The following TRMT44 variants were observed in gnomAD, a reference collection of about 807,000 sequenced individuals.
TRMT44 encodes tRNA methyltransferase 44 homolog.
Under a neutral mutation model 77.3 loss-of-function variants are expected in TRMT44, and 78 were observed. The observed-to-expected ratio is 1.01, with a 90% CI of 0.84 to 1.22. The LOEUF is 1.22. Ranked by LOEUF, TRMT44 falls within the 50% of genes most tolerant of loss-of-function variation. The pLI, the probability that TRMT44 is intolerant of heterozygous loss-of-function variation, is 0.00. For synonymous variants in TRMT44, 391 were observed against 383.3 expected (o/e 1.02, Z -0.23); for missense variants, 1,090 against 964.4 (o/e 1.13, Z -1.73).
rs540073637 is a variant in TRMT44, at chr4:8,441,095, C to T, written c.273C>T (p.Pro91=). ...CGGGTCCCAGGTCGCTATCAGGACC[C>T]GAGCAGGGCACGGCATGTTGCGAAC... ...GGPGPRSLSG[P]EQGTACCELE... The change falls in exon 1 of 11, where the codon CCC becomes CCT. Residue 91 remains proline (P), a synonymous_variant. Coordinates refer to ENST00000389737, the MANE Select transcript of TRMT44 (RefSeq NM_152544.3). The T allele has an allele frequency of 1.1e-5, 16 of 1,508,158 alleles. No homozygotes were observed. The highest frequency in any genetic ancestry group is 2.8e-5 in the African/African-American group (2 of 72,298). 93.4% of individuals were successfully genotyped at this position (1,508,158 alleles called of 1,614,324 possible). A position where few individuals can be genotyped will look rare whatever the true frequency, so the allele number is the denominator to read the frequency against.
chr4:8,450,804 T>TC (rs1462633042), intron 3 of TRMT44, among the ~76,000 whole-genome samples: 1 of 148,186 alleles, frequency 6.7e-6, no homozygotes, highest in Non-Finnish European at 1.5e-5. Flanking sequence ...TTTTTTTTTT[T>TC]TTTTTTTTTT....
At chr4:8,500,908 C>T in the TRMT44 span, among the ~76,000 whole-genome samples, 1 of 152,218 alleles carries the variant, frequency 6.6e-6, no homozygotes, top group African/African-American at 2.4e-5. Flanking sequence ...GGGATCTGCC[C>T]TCCTTGGCCT....
chr4:8,481,158 T>A (rs1727599436), downstream of TRMT44, among the ~76,000 whole-genome samples: 1 of 152,250 alleles, frequency 6.6e-6, no homozygotes, highest in Non-Finnish European at 1.5e-5. Flanking sequence ...ACATTTCCTT[T>A]CTATCAATCC....
intron 2 of TRMT44, among the ~76,000 whole-genome samples, chr4:8,492,647 TA>T (rs556522462): frequency 3.6e-3 from 550 of 152,270 alleles, no homozygotes; most frequent in Non-Finnish European, 4.9e-3. Context: ...CTACTACGAT[TA>T]AAAAGCTACA....
intron 6 of TRMT44, 146 bp downstream of exon 6, chr4:8,454,959 G>T: frequency 1.3e-6 from 1 of 777,174 alleles, no homozygotes; most frequent in Non-Finnish European, 2.1e-6. Flanking sequence ...TGAAATTAGA[G>T]AAGAGAAAAA....
Position 8,446,891 on chromosome 4 carries a change from G to GTTA in TRMT44, c.734+313_734+315dup, listed in dbSNP as rs1011151046. Among the ~76,000 whole-genome samples, 2 of 152,060 alleles carry GTTA rather than the reference G, an allele frequency of 1.3e-5. No homozygotes were observed. The highest frequency in any genetic ancestry group is 4.2e-4 in the South Asian group (2 of 4,814). The stretch of plus-strand genomic sequence containing the variant: ...AAACTCAAATTTCTTTATTGTTATT[G>GTTA]TTATTATTATTATTGAGACAGTCTT... On this transcript the variant is annotated intron_variant, in intron 2 of 10. Coordinates refer to ENST00000389737, the MANE Select transcript of TRMT44 (RefSeq NM_152544.3). This position sits in a 1 kb window ranked among gnomAD's most constrained non-coding sequence, Gnocchi z 4.3.
intron 9 of TRMT44, 162 bp from the exon 10 acceptor site, chr4:8,470,922 G>T (rs1726946320): frequency 1.8e-6 from 1 of 569,352 alleles, no homozygotes; most frequent in Non-Finnish European, 3.2e-6. Context: ...CTCACGGTTT[G>T]GTGCGGTGTG....
chr4:8,455,665 G>A (rs545457442), intron 6 of TRMT44, among the ~76,000 whole-genome samples: 1 of 152,324 alleles, frequency 6.6e-6, no homozygotes, highest in Admixed American at 6.5e-5. Context: ...GACCCTGGCT[G>A]CTTCTGCTCA....
the TRMT44 span, among the ~76,000 whole-genome samples, chr4:8,500,241 C>T: frequency 2.6e-5 from 4 of 152,058 alleles, no homozygotes; most frequent in African/African-American, 9.7e-5. Context: ...CCTATAATCC[C>T]TGCACTTCAG....
chr4:8,482,129 C>T (rs1317262543), intron 2 of TRMT44: 1 of 152,226 alleles, frequency 6.6e-6, no homozygotes, highest in African/African-American at 2.4e-5. Flanking sequence ...CCAGTTGCCT[C>T]TTCTCTTGCC....
chr4:8,505,768 A>G, the TRMT44 span, among the ~76,000 whole-genome samples: 1 of 152,202 alleles, frequency 6.6e-6, no homozygotes, highest in African/African-American at 2.4e-5. Flanking sequence ...TGTTGAGGGA[A>G]GAACCTGGTG....
At position 8,475,982 on chromosome 4, in the gene TRMT44, C is replaced by T. The variant is rs756638090; in HGVS notation, c.2255C>T (p.Pro752Leu). The T allele has an allele frequency of 1.5e-5, 24 of 1,613,842 alleles. No homozygotes were observed. In the Admixed American group the frequency reaches 1.5e-4, roughly 10 times the overall value. ...GAGCTGCGGCCACCCCGGACCACCCCGAGGAAGAAGATTTCATGAGCTGCA... is the reference window on the plus strand; with the variant it reads ...GAGCTGCGGCCACCCCGGACCACCCTGAGGAAGAAGATTTCATGAGCTGCA... ...PAELRPPRTT[P>L]RKKIS is the part of the protein sequence containing the mutation. Residue 752 changes from proline to leucine, a missense_variant, in exon 11 of 11, where the codon CCG (proline) becomes CTG (leucine). By Grantham distance (98) the Pro-to-Leu change is moderately conservative (BLOSUM62 -3). Coordinates refer to ENST00000389737, the MANE Select transcript of TRMT44 (RefSeq NM_152544.3).
chr4:8,496,527 T>A (rs1182543272), downstream of TRMT44, among the ~76,000 whole-genome samples: 2 of 152,222 alleles, frequency 1.3e-5, no homozygotes, highest in Non-Finnish European at 2.9e-5. Flanking sequence ...GACTGTCGGT[T>A]GCTACAGGGC....
intron 2 of TRMT44, among the ~76,000 whole-genome samples, chr4:8,489,501 G>A (rs571874548): frequency 6.7e-6 from 1 of 148,458 alleles, no homozygotes; most frequent in Non-Finnish European, 1.5e-5. Flanking sequence ...ATTTGAGATG[G>A]AGTTTCACTC....
At chr4:8,500,520 T>TA in the TRMT44 span, among the ~76,000 whole-genome samples, 1 of 151,768 alleles carries the variant, frequency 6.6e-6, no homozygotes, top group South Asian at 2.1e-4. Flanking sequence ...ATAAATAAAA[T>TA]AAAATAAATT....
At chr4:8,473,011 C>T (rs1308152465) in intron 10 of TRMT44, among the ~76,000 whole-genome samples, 3 of 152,190 alleles carry the variant, frequency 2.0e-5, no homozygotes, top group African/African-American at 7.2e-5. Context: ...TTTTTGGAAA[C>T]GCTTCTGAGT....
chr4:8,455,064 G>C, intron 6 of TRMT44: 1 of 549,220 alleles, frequency 1.8e-6, no homozygotes. Context: ...TGAGTTTGTT[G>C]GTGCCGTTTG....
At chr4:8,482,192 C>A (rs1289446837) in intron 2 of TRMT44, 2 of 152,224 alleles carry the variant, frequency 1.3e-5, no homozygotes, top group African/African-American at 2.4e-5. Flanking sequence ...TTTGTCAGTT[C>A]TTCAGGAACC....
chr4:8,485,257 C>G (rs929923245), intron 2 of TRMT44, among the ~76,000 whole-genome samples: 1 of 152,110 alleles, frequency 6.6e-6, no homozygotes, highest in African/African-American at 2.4e-5. Context: ...AAAAAAGCAT[C>G]TTTAAGATCA....
Sources: allele counts gnomAD v4.1 joint callset (sites outside exome capture counted in the v4.1 genomes callset), GRCh38; gene constraint gnomAD v4.1.1; non-coding constraint Gnocchi (gnomAD v3.1); transcripts MANE v1.5; gene names NCBI Gene and HGNC (gene_info 2026-07-23, HGNC 2026-07-21).